Variants in LUC7L2 observed in about 807,000 individuals in gnomAD.
The protein encoded by LUC7L2 is putative RNA-binding protein Luc7-like 2.
In LUC7L2, 25 loss-of-function variants were observed where a neutral mutation model predicts 52.8. The observed-to-expected ratio is 0.47, with a 90% CI of 0.34 to 0.66. LUC7L2 has a LOEUF of 0.66. LUC7L2 is among the 30% of genes least tolerant of loss of function. The pLI is 0.01. For missense variants in LUC7L2, 328 were observed against 497.8 expected (o/e 0.66, Z 3.25); for synonymous variants, 144 against 160.9 (o/e 0.89, Z 0.80).
intron 1 of LUC7L2, among the ~76,000 whole-genome samples, chr7:139,354,859 C>CTT (rs35111843): frequency 3.5e-5 from 5 of 142,358 alleles, no homozygotes; most frequent in East Asian, 2.0e-4. Context: ...TCTTGCTGGA[C>CTT]TTTTTTTTTT....
chr7:139,361,699 C>A (rs1799891988), intron 1 of LUC7L2, among the ~76,000 whole-genome samples: 1 of 152,200 alleles, frequency 6.6e-6, no homozygotes, highest in African/African-American at 2.4e-5. Context: ...TAACTGTTAT[C>A]ATTTCTCACG....
At chr7:139,345,188 C>T (rs1453305008) in intron 1 of LUC7L2, among the ~76,000 whole-genome samples, 1 of 152,022 alleles carries the variant, frequency 6.6e-6, no homozygotes, top group East Asian at 1.9e-4. Flanking sequence ...ATTAACCAAC[C>T]TCTGAGCATC....
intron 2 of LUC7L2, among the ~76,000 whole-genome samples, chr7:139,382,714 G>T (rs79412021): frequency 6.6e-6 from 1 of 152,144 alleles, no homozygotes; most frequent in Non-Finnish European, 1.5e-5. Flanking sequence ...AAGTAAAAAT[G>T]TATTTGCTTA....
intron 2 of LUC7L2, among the ~76,000 whole-genome samples, chr7:139,395,917 G>A (rs1794641460): frequency 6.6e-6 from 1 of 152,038 alleles, no homozygotes; most frequent in African/African-American, 2.4e-5. Context: ...CGAAGTGCTG[G>A]GATTATAGGC....
chr7:139,389,707 A>G (rs1794347220), intron 2 of LUC7L2, among the ~76,000 whole-genome samples: 2 of 152,218 alleles, frequency 1.3e-5, no homozygotes, highest in Non-Finnish European at 2.9e-5. Context: ...ATATCATATT[A>G]TGTAACAAAA....
upstream of LUC7L2, chr7:139,359,806 C>A (rs1253237321): frequency 2.5e-6 from 1 of 403,726 alleles, no homozygotes; most frequent in East Asian, 3.6e-5. Context: ...GGGTGGAACT[C>A]CACTCGGGCG....
At chr7:139,417,434 C>T in intron 8 of LUC7L2, 104 bp from the exon 9 acceptor site, 3 of 1,389,754 alleles carry the variant, frequency 2.2e-6, no homozygotes, top group Non-Finnish European at 1.9e-6. Context: ...ATATAATTGA[C>T]ATTAAGACTA....
At chr7:139,340,922 T>G (rs752142436) in intron 1 of LUC7L2, among the ~76,000 whole-genome samples, 2 of 152,110 alleles carry the variant, frequency 1.3e-5, no homozygotes, top group Non-Finnish European at 2.9e-5. Context: ...ATGTCCTTTG[T>G]CTGAGCCGCA....
upstream of LUC7L2, among the ~76,000 whole-genome samples, chr7:139,355,308 A>G (rs1256498500): frequency 6.6e-6 from 1 of 152,182 alleles, no homozygotes; most frequent in Non-Finnish European, 1.5e-5. Flanking sequence ...GGAGGAAGAC[A>G]GGATTATATC....
rs1312840631 is a variant in LUC7L2, at chr7:139,412,589, A to G, written c.809+9A>G. The G allele has an allele frequency of 3.2e-5, 52 of 1,604,682 alleles. No homozygotes were observed. Among genetic ancestry groups the G allele is most frequent in the Non-Finnish European group, 4.3e-5 (51 of 1,177,054 alleles). ...AGCAAGAATCCAAAAAGGTAGGTGTATTACATAAGACAGGTATAAGTAGTG... is the reference window on the plus strand; with the variant it reads ...AGCAAGAATCCAAAAAGGTAGGTGTGTTACATAAGACAGGTATAAGTAGTG... On this transcript the variant is annotated intron_variant, in intron 8 of 9. Coordinates refer to ENST00000354926, the MANE Select transcript of LUC7L2 (RefSeq NM_016019.5).
chr7:139,370,646 G>A (rs1248725426), intron 1 of LUC7L2, among the ~76,000 whole-genome samples: 2 of 152,084 alleles, frequency 1.3e-5, no homozygotes, highest in African/African-American at 2.4e-5. Context: ...GTAGTGATGG[G>A]GTTTCACCAT....
At chr7:139,407,088 T>G in intron 5 of LUC7L2, 86 bp from the exon 6 acceptor site, 1 of 1,209,828 alleles carries the variant, frequency 8.3e-7, no homozygotes, top group East Asian at 3.5e-5. Context: ...TAGAAAACAC[T>G]TTTGGTATAA....
chr7:139,383,249 G>A (rs1313533014), intron 2 of LUC7L2, among the ~76,000 whole-genome samples: 1 of 152,066 alleles, frequency 6.6e-6, no homozygotes, highest in South Asian at 2.1e-4. Context: ...CCAAGTAGCT[G>A]GGATTACAGG....
At chr7:139,359,321 G>C (rs530840703), upstream of LUC7L2, 13 of 153,782 alleles carry the variant, frequency 8.5e-5, no homozygotes, top group South Asian at 2.5e-3. Context: ...TGTTTCCTAG[G>C]GTACTGCTTT....
At chr7:139,397,065 A>T (rs140641452) in intron 2 of LUC7L2, among the ~76,000 whole-genome samples, 9 of 152,140 alleles carry the variant, frequency 5.9e-5, no homozygotes, top group Admixed American at 3.3e-4. Flanking sequence ...TTAAATAGGC[A>T]TACTCATTTT....
At chr7:139,345,396 C>A in intron 1 of LUC7L2, 1 of 1,487,640 alleles carries the variant, frequency 6.7e-7, no homozygotes, top group Non-Finnish European at 9.0e-7. Flanking sequence ...TGTATTTCCT[C>A]TGTGCAATTT....
intron 3 of LUC7L2, among the ~76,000 whole-genome samples, chr7:139,399,448 G>GGTTT (rs1794799799): frequency 4.8e-5 from 4 of 83,124 alleles, no homozygotes; most frequent in Non-Finnish European, 1.1e-4. Context: ...GTGTTTGGGG[G>GGTTT]ATTTTTTTTT....
rs1185799831 is a variant in LUC7L2 at position 139,359,952 on chromosome 7, G to A, written c.-310G>A. 7.1e-6 allele frequency: 3 copies of A among 423,628 alleles called. No individual in the cohort carries two copies. The highest frequency in any genetic ancestry group is 1.3e-5 in the Non-Finnish European group (3 of 239,232). The allele number at this position is 423,628 out of a possible 1,614,324, so 26.2% of individuals were successfully genotyped here. A position where few individuals can be genotyped will look rare whatever the true frequency, so the allele number is the denominator to read the frequency against. On this transcript the variant is annotated 5_prime_UTR_variant, in exon 1 of 10. Transcript: ENST00000354926. ...GTCAGAGCTTGAGGGGGGGTTGACG[G>A]CTTCTGGCGGGTGGCGGTGTTGAAG...
chr7:139,343,717 T>C (rs1299715851), intron 1 of LUC7L2, among the ~76,000 whole-genome samples: 1 of 152,082 alleles, frequency 6.6e-6, no homozygotes, highest in Non-Finnish European at 1.5e-5. Context: ...GGTGGATCGC[T>C]TGTGCCCAGG....
Sources: allele counts gnomAD v4.1 joint callset (sites outside exome capture counted in the v4.1 genomes callset), GRCh38; gene constraint gnomAD v4.1.1; transcripts MANE v1.5; gene names NCBI Gene and HGNC (gene_info 2026-07-23, HGNC 2026-07-21).